CCDC40: variants seen among roughly 807,000 people sequenced by gnomAD.
CCDC40 encodes the protein coiled-coil domain-containing protein 40.
Under a neutral mutation model 124.5 loss-of-function variants are expected in CCDC40, and 104 were observed. The ratio of observed to expected loss-of-function variants is 0.84; its 90% CI spans 0.71 to 0.98. The LOEUF (loss-of-function observed/expected upper bound fraction) is 0.98. Ranked by LOEUF, CCDC40 falls within the 50% of genes least tolerant of loss-of-function variation. The probability of loss-of-function intolerance (pLI) is 0.00; values close to 1 mark genes in which losing one functional copy is unlikely to be tolerated. For missense variants in CCDC40, 1,463 were observed against 1,503.9 expected, an observed-to-expected ratio of 0.97 and a Z score of 0.45; for synonymous variants, 580 against 602.9, an observed-to-expected ratio of 0.96 and a Z score of 0.56.
chr17:80,066,007 C>T lies in CCDC40; in HGVS notation c.1562+401C>T. Reference sequence around the variant, plus strand: ...ATTCCAACCGAAATCCTATTTTAATCTCCAAAGGAAGGGGAGGAAGAGGCC... The same window carrying T: ...ATTCCAACCGAAATCCTATTTTAATTTCCAAAGGAAGGGGAGGAAGAGGCC... On this transcript the variant is annotated intron_variant, in intron 10 of 19. Coordinates refer to ENST00000397545, the MANE Select transcript of CCDC40 (RefSeq NM_017950.4). The surrounding 1 kb of genome is among the most constrained non-coding windows in gnomAD (Gnocchi z 4.4). The T allele has an allele frequency of 1.5e-6, 1 of 671,836 alleles. No homozygotes were observed. Among genetic ancestry groups the T allele is most frequent in the Non-Finnish European group, 2.7e-6 (1 of 369,980 alleles). 41.6% of individuals were successfully genotyped at this position (671,836 alleles called of 1,614,324 possible).
rs1263317319 is a variant in CCDC40, at chr17:80,050,270, G to C, written c.1146G>C (p.Glu382Asp). The change falls in exon 7 of 20, where the codon GAG (glutamate) becomes GAC (aspartate). Residue 382 changes from glutamate (E) to aspartate (D), a missense_variant. Physicochemically the swap from Glu to Asp is conservative, Grantham distance 45 (BLOSUM62 2). Coordinates refer to ENST00000397545, the MANE Select transcript of CCDC40 (RefSeq NM_017950.4). ...CCAAGACCTGCGCAGCCGCCAACGAGGAGCGCAAAAAGTGTAAGGCAACCC... is the reference window on the plus strand; with the variant it reads ...CCAAGACCTGCGCAGCCGCCAACGACGAGCGCAAAAAGTGTAAGGCAACCC... ...LYTKTCAAANEERKKLAALQT... is the reference protein window; with the variant it reads ...LYTKTCAAANDERKKLAALQT... 16 of 1,564,794 alleles carry C rather than the reference G, an allele frequency of 1.0e-5. No homozygotes were observed. The Admixed American group carries it at 3.0e-4, about 30-fold the overall frequency.
chr17:80,051,628 C>CAAAAAAAAA (rs200887220), intron 7 of CCDC40, among the ~76,000 whole-genome samples: 3 of 94,134 alleles, frequency 3.2e-5, no homozygotes, highest in African/African-American at 1.2e-4. Context: ...GACTCCGTCT[C>CAAAAAAAAA]AAAAAAAAAA....
chr17:80,047,093 G>A (rs969781622), intron 3 of CCDC40, among the ~76,000 whole-genome samples, 186 bp from the exon 4 acceptor site: 4 of 152,196 alleles, frequency 2.6e-5, no homozygotes, highest in Non-Finnish European at 4.4e-5. Context: ...CGATCCACCC[G>A]CCTTGGCCTC....
intron 2 of CCDC40, among the ~76,000 whole-genome samples, chr17:80,039,075 A>T (rs2037203591): frequency 6.6e-6 from 1 of 150,644 alleles, no homozygotes; most frequent in South Asian, 2.1e-4. Flanking sequence ...TGATTATGAA[A>T]AGCAGAGAGG....
At chr17:80,055,757 C>T (rs1035235208) in intron 7 of CCDC40, among the ~76,000 whole-genome samples, 5 of 151,622 alleles carry the variant, frequency 3.3e-5, no homozygotes, top group African/African-American at 1.2e-4. Flanking sequence ...TCTCTTTTCC[C>T]CTTCCCCCAC....
At chr17:80,043,840 C>A (rs1336376034) in intron 3 of CCDC40, among the ~76,000 whole-genome samples, 1 of 152,034 alleles carries the variant, frequency 6.6e-6, no homozygotes, top group East Asian at 1.9e-4. Context: ...ATTTGTAGCT[C>A]CTTTCTCCAA....
chr17:80,064,780 A>C (rs1598508847), intron 9 of CCDC40, among the ~76,000 whole-genome samples: 1 of 130,728 alleles, frequency 7.6e-6, no homozygotes, highest in Admixed American at 8.6e-5. Context: ...TGACCTGCCC[A>C]CCCCTGGCTG....
chr17:80,067,301 AG>A, intron 10 of CCDC40: 1 of 550,474 alleles, frequency 1.8e-6, no homozygotes, highest in Non-Finnish European at 3.2e-6. Context: ...GTATTCGATC[AG>A]GTCTCCTCCT....
chr17:80,059,112 A>T, intron 9 of CCDC40, 132 bp downstream of exon 9: 1 of 1,176,786 alleles, frequency 8.5e-7, no homozygotes, highest in Non-Finnish European at 1.3e-6. Flanking sequence ...ACATCTGCAA[A>T]CATCGGGCCC....
At chr17:80,046,675 A>C (rs1269021863) in intron 3 of CCDC40, among the ~76,000 whole-genome samples, 2 of 152,112 alleles carry the variant, frequency 1.3e-5, no homozygotes, top group African/African-American at 4.8e-5. Flanking sequence ...ATGGGAAACC[A>C]CAACTCTGAG....
At chr17:80,085,365 T>A (rs1232691351) in intron 13 of CCDC40, among the ~76,000 whole-genome samples, 2 of 152,264 alleles carry the variant, frequency 1.3e-5, no homozygotes, top group African/African-American at 4.8e-5. Context: ...TCTGCTGCTC[T>A]AAGAAAAGTG....
chr17:80,047,556 C>A, intron 4 of CCDC40, 154 bp downstream of exon 4: 1 of 737,158 alleles, frequency 1.4e-6, no homozygotes. Flanking sequence ...ATATGGATAA[C>A]ATTTATTGGG....
chr17:80,097,600 T>G (rs2038833965), intron 19 of CCDC40, 197 bp downstream of exon 19: 1 of 610,070 alleles, frequency 1.6e-6, no homozygotes, highest in Non-Finnish European at 2.9e-6. Context: ...CAAATGTTGA[T>G]GGAGTATCTG....
rs568300207 is a variant in CCDC40 at position 80,090,560 on chromosome 17, C to T, written c.2832+676C>T. 777 of 1,506,220 alleles carry T rather than the reference C, an allele frequency of 5.2e-4. 12 individuals are homozygous for T. In the South Asian group the frequency reaches 8.7e-3, roughly 17 times the overall value. 93.3% of individuals were successfully genotyped at this position (1,506,220 alleles called of 1,614,324 possible). On this transcript the variant is annotated intron_variant, in intron 17 of 19. Coordinates refer to ENST00000397545, the MANE Select transcript of CCDC40 (RefSeq NM_017950.4). ...ACAGCACGCTGGTATTTTTAAATGCCGGTTGTAACCCTCAAACTTTGTGAC... is the reference window on the plus strand; with the variant it reads ...ACAGCACGCTGGTATTTTTAAATGCTGGTTGTAACCCTCAAACTTTGTGAC...
In CCDC40 at chr17:80,099,846, T is replaced by C; in HGVS notation, c.*71T>C. 6.4e-7 allele frequency: 1 copy of C among 1,558,216 alleles called. No homozygotes were observed. The highest frequency in any genetic ancestry group is 1.7e-5 in the Admixed American group (1 of 58,314). On this transcript the variant is annotated 3_prime_UTR_variant, in exon 20 of 20. Coordinates refer to ENST00000397545, the MANE Select transcript of CCDC40 (RefSeq NM_017950.4). Reference sequence around the variant, plus strand: ...GGAATTGTGTTTGTCATGAGGGACTTGGAATCTTTTGTGTTCCTAAAAACC... The same window carrying C: ...GGAATTGTGTTTGTCATGAGGGACTCGGAATCTTTTGTGTTCCTAAAAACC...
In CCDC40 at chr17:80,097,228, T is replaced by A. The variant is rs756744129; in HGVS notation, c.3022-17T>A. On this transcript the variant is annotated splice_polypyrimidine_tract_variant and intron_variant, in intron 18 of 19. Transcript: ENST00000397545. ...GCCGGGCTGCAGGGGCCCAGCATGG[T>A]CCTGTGATTCTCCTAGGCCACCGAT... 1 of 1,613,708 alleles carries A rather than the reference T, an allele frequency of 6.2e-7. No homozygotes were observed. The highest frequency in any genetic ancestry group is 8.5e-7 in the Non-Finnish European group (1 of 1,179,948).
chr17:80,088,147 C>A, intron 16 of CCDC40, 45 bp downstream of exon 16: 2 of 1,307,148 alleles, frequency 1.5e-6, no homozygotes, highest in Non-Finnish European at 2.2e-6. Flanking sequence ...AAGGTCACTG[C>A]ACCTACAGGC....
Position 80,089,813 on chromosome 17 carries a change from C to G in CCDC40, c.2761C>G (p.Arg921Gly), listed in dbSNP as rs1052358414. 8 of 1,614,052 alleles carry G rather than the reference C, an allele frequency of 5.0e-6. No homozygotes were observed. The African/African-American group carries it at 9.3e-5, about 19-fold the overall frequency. ...EKKIQLAKEM[R>G]SSVDSEIGQT... ...AAAAATCCAACTGGCAAAAGAGATGCGTTCCTCAGTGGATTCCGAGATCGG... is the reference window on the plus strand; with the variant it reads ...AAAAATCCAACTGGCAAAAGAGATGGGTTCCTCAGTGGATTCCGAGATCGG... Residue 921 changes from arginine to glycine, a missense_variant, in exon 17 of 20, where the codon CGT becomes GGT. Coordinates refer to ENST00000397545, the MANE Select transcript of CCDC40 (RefSeq NM_017950.4).
At chr17:80,049,741 A>G (rs1277177090) in intron 5 of CCDC40, among the ~76,000 whole-genome samples, 165 bp from the exon 6 acceptor site, 1 of 151,862 alleles carries the variant, frequency 6.6e-6, no homozygotes, top group African/African-American at 2.4e-5. Context: ...GGTGCCTTTA[A>G]TTTGTGGCTT....
Sources: allele counts gnomAD v4.1 joint callset (sites outside exome capture counted in the v4.1 genomes callset), GRCh38; gene constraint gnomAD v4.1.1; non-coding constraint Gnocchi (gnomAD v3.1); transcripts MANE v1.5; gene names NCBI Gene and HGNC (gene_info 2026-07-23, HGNC 2026-07-21).